TRIM24: variants seen among roughly 807,000 people sequenced by gnomAD.
TRIM24 encodes the protein transcription intermediary factor 1-alpha.
A neutral mutation model predicts 123.9 loss-of-function variants in TRIM24; 29 were observed. The observed-to-expected ratio is 0.23, with a 90% CI of 0.17 to 0.32. The LOEUF is 0.32. Ranked by LOEUF, TRIM24 falls within the 10% of genes least tolerant of loss-of-function variation. TRIM24 has a pLI of 1.00. For missense variants in TRIM24, 932 were observed against 1,295.3 expected, an observed-to-expected ratio of 0.72 and a Z score of 4.31; for synonymous variants, 456 against 461.1, an observed-to-expected ratio of 0.99 and a Z score of 0.14.
chr7:138,529,817 A>G (rs1282627646), intron 6 of TRIM24, among the ~76,000 whole-genome samples: 2 of 152,230 alleles, frequency 1.3e-5, no homozygotes, highest in Non-Finnish European at 2.9e-5. Context: ...TTGACTTCAA[A>G]TCATATAAGG....
At chr7:138,519,370 G>A (rs1259253099) in intron 4 of TRIM24, 49 bp downstream of exon 4, 1 of 1,534,266 alleles carries the variant, frequency 6.5e-7, no homozygotes, top group Non-Finnish European at 8.7e-7. Flanking sequence ...AGCTTTAGAG[G>A]ACTAAAGGAC....
intron 4 of TRIM24, among the ~76,000 whole-genome samples, chr7:138,520,573 C>G (rs532686578): frequency 6.6e-6 from 1 of 152,244 alleles, no homozygotes; most frequent in East Asian, 1.9e-4. Flanking sequence ...GCTTGTATTC[C>G]TAGCTACTTG....
intron 9 of TRIM24, chr7:138,556,446 G>C (rs190945379): frequency 6.6e-6 from 1 of 152,190 alleles, no homozygotes; most frequent in Admixed American, 6.5e-5. Flanking sequence ...ATAATAAAGA[G>C]GATAGGACTG....
rs34380067 is a variant in TRIM24 at position 138,492,273 on chromosome 7, C to CAAAA, written c.365-11995_365-11992dup. ...GGGCAACAGGATAATACTCTGTCTC[C>CAAAA]AAAAAAAAAAAAAAAAAAAAAAAAA... On this transcript the variant is annotated intron_variant, in intron 1 of 18. Transcript: ENST00000343526. 5.0e-3 allele frequency among the ~76,000 whole-genome samples: 300 copies of CAAAA among 59,826 alleles called. 3 individuals are homozygous for CAAAA. The highest frequency in any genetic ancestry group is 0.014 in the South Asian group (18 of 1,330). 39.2% of individuals were successfully genotyped at this position (59,826 alleles called of 152,430 possible). A position where few individuals can be genotyped will look rare whatever the true frequency, so the allele number is the denominator to read the frequency against.
At chr7:138,529,992 A>G (rs1227254642) in intron 6 of TRIM24, among the ~76,000 whole-genome samples, 1 of 152,194 alleles carries the variant, frequency 6.6e-6, no homozygotes, top group African/African-American at 2.4e-5. Flanking sequence ...ACTTCTAGAA[A>G]TAATTTAGGT....
chr7:138,550,318 G>GGTGTGTGTGTGT (rs10548154), intron 7 of TRIM24, among the ~76,000 whole-genome samples: 20 of 147,574 alleles, frequency 1.4e-4, no homozygotes, highest in African/African-American at 3.5e-4. Flanking sequence ...AGGAGTTGAT[G>GGTGTGTGTGTGT]GTGTGTGTGT....
chr7:138,525,823 C>G (rs1165675978), intron 5 of TRIM24, among the ~76,000 whole-genome samples: 2 of 152,120 alleles, frequency 1.3e-5, no homozygotes, highest in Non-Finnish European at 2.9e-5. Flanking sequence ...TTAAACTGTT[C>G]CGCACACTTT....
At chr7:138,494,131 GCCA>G (rs1795853544) in intron 1 of TRIM24, among the ~76,000 whole-genome samples, 1 of 151,968 alleles carries the variant, frequency 6.6e-6, no homozygotes, top group Non-Finnish European at 1.5e-5. Context: ...ACAGGCACCT[GCCA>G]CCATGCCCAG....
At chr7:138,473,997 C>T (rs1795342237) in intron 1 of TRIM24, among the ~76,000 whole-genome samples, 1 of 152,152 alleles carries the variant, frequency 6.6e-6, no homozygotes, top group African/African-American at 2.4e-5. Flanking sequence ...TCTTGGACTT[C>T]TGAGCTCAAG....
chr7:138,575,895 T>G (rs1797747343), intron 12 of TRIM24, among the ~76,000 whole-genome samples: 1 of 152,194 alleles, frequency 6.6e-6, no homozygotes, highest in African/African-American at 2.4e-5. Flanking sequence ...TTTGTTTACT[T>G]GGTTTTCTTT....
intron 1 of TRIM24, among the ~76,000 whole-genome samples, chr7:138,495,673 C>A (rs1795890209): frequency 6.6e-6 from 1 of 151,988 alleles, no homozygotes; most frequent in South Asian, 2.1e-4. Context: ...GTCTCAAACT[C>A]CTGGCCTCAA....
Position 138,576,360 on chromosome 7 carries a change from TC to T in TRIM24, c.2015-8del, listed in dbSNP as rs766966227. On this transcript the variant is annotated splice_polypyrimidine_tract_variant and intron_variant, in intron 12 of 18. Coordinates refer to ENST00000343526, the MANE Select transcript of TRIM24 (RefSeq NM_015905.3). ...TCATTCGTTTTATGAATGTATGGTT[TC>T]CCCCTCCTCAGGACCTGTTACTATG... 2.5e-6 allele frequency: 4 copies of T among 1,611,090 alleles called. No homozygotes were observed. The highest frequency in any genetic ancestry group is 3.3e-5 in the Admixed American group (2 of 59,962).
At chr7:138,558,276 G>A (rs762204694) in intron 9 of TRIM24, among the ~76,000 whole-genome samples, 3 of 152,156 alleles carry the variant, frequency 2.0e-5, no homozygotes, top group Non-Finnish European at 2.9e-5. Flanking sequence ...AGTCTTTCCT[G>A]TTGTTTCATT....
chr7:138,518,251 T>G (rs144019038), intron 3 of TRIM24, among the ~76,000 whole-genome samples: 1 of 152,174 alleles, frequency 6.6e-6, no homozygotes, highest in Non-Finnish European at 1.5e-5. Context: ...ACAATATATG[T>G]ACTACCATTT....
At chr7:138,555,651 T>C (rs1269944706) in intron 9 of TRIM24, among the ~76,000 whole-genome samples, 1 of 151,770 alleles carries the variant, frequency 6.6e-6, no homozygotes, top group Non-Finnish European at 1.5e-5. Context: ...CCCGGCTAAT[T>C]TTTTGTATTT....
rs1798077530 is a variant in TRIM24, at chr7:138,589,939, A to C, written c.*4988A>C. 6.6e-6 allele frequency: 1 copy of C among 152,228 alleles called. No homozygotes were observed. Among genetic ancestry groups the C allele is most frequent in the Admixed American group, 6.5e-5 (1 of 15,280 alleles). 9.4% of individuals were successfully genotyped at this position (152,228 alleles called of 1,614,324 possible). ...AAGTCCTAATTTGAGTCCTAAAAAAATCTTTCCTTGTTAGTTGCAAGTTAA... is the reference window on the plus strand; with the variant it reads ...AAGTCCTAATTTGAGTCCTAAAAAACTCTTTCCTTGTTAGTTGCAAGTTAA... On this transcript the variant is annotated 3_prime_UTR_variant, in exon 19 of 19. Coordinates refer to ENST00000343526, the MANE Select transcript of TRIM24 (RefSeq NM_015905.3).
chr7:138,521,516 A>T (rs1252452742), intron 4 of TRIM24, among the ~76,000 whole-genome samples: 1 of 152,210 alleles, frequency 6.6e-6, no homozygotes, highest in Non-Finnish European at 1.5e-5. Flanking sequence ...GTTAATCAGT[A>T]TAAACAAAGG....
chr7:138,570,779 T>C, intron 10 of TRIM24, 51 bp from the exon 11 acceptor site: 1 of 1,584,788 alleles, frequency 6.3e-7, no homozygotes, highest in Non-Finnish European at 8.6e-7. Flanking sequence ...ATAGATGTTG[T>C]ATTTTATAAG....
intron 9 of TRIM24, among the ~76,000 whole-genome samples, chr7:138,563,477 G>A (rs577913166): frequency 5.3e-5 from 8 of 152,184 alleles, no homozygotes; most frequent in African/African-American, 1.7e-4. Flanking sequence ...TTCCCTTACC[G>A]TAAGGGTCAC....
Sources: gnomAD v4.1 joint callset for allele counts (sites outside exome capture counted in the v4.1 genomes callset) on GRCh38, gnomAD v4.1.1 for gene constraint, MANE v1.5 for transcripts, NCBI Gene and HGNC (gene_info 2026-07-23, HGNC 2026-07-21) for gene names.